SRD5A3: variants seen among roughly 807,000 people sequenced by gnomAD.
The protein encoded by SRD5A3 is polyprenal reductase.
Under a neutral mutation model 34.3 loss-of-function variants are expected in SRD5A3, and 24 were observed. The ratio of observed to expected loss-of-function variants is 0.70; its 90% confidence interval spans 0.51 to 0.99. The LOEUF (loss-of-function observed/expected upper bound fraction) is 0.99, where lower values mean the gene tolerates loss of function less well. SRD5A3 is among the 50% of genes least tolerant of loss of function. The pLI, the probability that SRD5A3 is intolerant of heterozygous loss-of-function variation, is 0.00. For synonymous variants in SRD5A3, 161 were observed against 167.3 expected (o/e 0.96, Z 0.29); for missense variants, 350 against 388.2 (o/e 0.90, Z 0.83).
At position 55,371,520 on chromosome 4, in the gene SRD5A3, C is replaced by G. The variant is rs1425259414; in HGVS notation, c.*1429C>G. 1 of 152,180 alleles carries G rather than the reference C, an allele frequency of 6.6e-6. No homozygotes were observed. The highest frequency in any genetic ancestry group is 1.5e-5 in the Non-Finnish European group (1 of 68,036). The allele number at this position is 152,180 out of a possible 1,614,324, so 9.4% of individuals were successfully genotyped here. On this transcript the variant is annotated 3_prime_UTR_variant, in exon 5 of 5. Coordinates refer to ENST00000264228, the MANE Select transcript of SRD5A3 (RefSeq NM_024592.5). Reference sequence around the variant, plus strand: ...TATTACAGTCAGCTAAGCACTAAAGCTTTGCATTTATATGTACTTTGCTAT... The same window carrying G: ...TATTACAGTCAGCTAAGCACTAAAGGTTTGCATTTATATGTACTTTGCTAT...
intron 2 of SRD5A3, among the ~76,000 whole-genome samples, chr4:55,362,110 G>C (rs929150394): frequency 1.3e-5 from 2 of 151,816 alleles, no homozygotes; most frequent in Non-Finnish European, 2.9e-5. Context: ...ACTAGGGGGT[G>C]CTGTTCGTGT....
intron 2 of SRD5A3, among the ~76,000 whole-genome samples, chr4:55,362,216 C>G (rs1170567247): frequency 2.0e-5 from 3 of 151,694 alleles, no homozygotes; most frequent in Non-Finnish European, 4.4e-5. Flanking sequence ...CAACCTACCC[C>G]TCCCGGGTTC....
chr4:55,352,154 T>G, intron 1 of SRD5A3: 1 of 858,960 alleles, frequency 1.2e-6, no homozygotes, highest in Non-Finnish European at 2.0e-6. Context: ...CTGCACTAAG[T>G]CTGGTTTGGC....
chr4:55,364,418 C>A (rs975987576), intron 3 of SRD5A3, 147 bp downstream of exon 3: 8 of 973,796 alleles, frequency 8.2e-6, no homozygotes, highest in South Asian at 1.4e-5. Flanking sequence ...AGACTCAAGT[C>A]GATTTTAAAA....
chr4:55,347,671 G>T (rs1486008038), intron 1 of SRD5A3, among the ~76,000 whole-genome samples: 2 of 152,124 alleles, frequency 1.3e-5, no homozygotes, highest in East Asian at 1.9e-4. Context: ...CTGGGTTGTC[G>T]CTTGAAACAC....
At chr4:55,366,439 A>T (rs940621526) in intron 3 of SRD5A3, among the ~76,000 whole-genome samples, 1 of 152,214 alleles carries the variant, frequency 6.6e-6, no homozygotes, top group Non-Finnish European at 1.5e-5. Context: ...TGGCCCCCGC[A>T]AAGTGCTGGG....
chr4:55,364,267 G>A lies in SRD5A3; in HGVS notation c.558G>A (p.Arg186=), dbSNP rs1399075323. ...TVLSQVPMDG[R]NAYITGKNLL... ...TGAGCCAAGTGCCAATGGATGGCAG[G>A]AATGGTGAGTGGATCCAGCCCTGCC... Residue 186 remains arginine (R), a synonymous_variant, in exon 3 of 5, where the codon AGG becomes AGA. Coordinates refer to ENST00000264228, the MANE Select transcript of SRD5A3 (RefSeq NM_024592.5). The A allele has an allele frequency of 6.2e-7, 1 of 1,614,064 alleles. No individual in the cohort carries two copies. Among genetic ancestry groups the A allele is most frequent in the Admixed American group, 1.7e-5 (1 of 60,022 alleles).
intron 1 of SRD5A3, among the ~76,000 whole-genome samples, chr4:55,346,813 T>C (rs1719016285): frequency 6.6e-6 from 1 of 152,196 alleles, no homozygotes; most frequent in African/African-American, 2.4e-5. Context: ...GCTGGAGGAA[T>C]GTGAACTGGT....
chr4:55,346,676 G>A (rs1719011431), intron 1 of SRD5A3, 119 bp downstream of exon 1: 1 of 962,678 alleles, frequency 1.0e-6, no homozygotes, highest in Non-Finnish European at 1.4e-6. Flanking sequence ...AGGCCCTGGC[G>A]GGTTCCCGGG....
intron 3 of SRD5A3, 82 bp downstream of exon 3, chr4:55,364,353 A>G (rs1016678433): frequency 5.5e-6 from 8 of 1,464,014 alleles, no homozygotes; most frequent in Admixed American, 3.5e-5. Flanking sequence ...GCTAAGCATT[A>G]TGAGACATGC....
At position 55,359,278 on chromosome 4, in the gene SRD5A3, A is replaced by G; in HGVS notation, c.222-68A>G. 5.6e-6 allele frequency: 9 copies of G among 1,600,960 alleles called. No individual in the cohort carries two copies. In the South Asian group the frequency reaches 7.7e-5, roughly 14 times the overall value. On this transcript the variant is annotated intron_variant, in intron 1 of 4. Coordinates refer to ENST00000264228, the MANE Select transcript of SRD5A3 (RefSeq NM_024592.5). ...GGGGAAAGACAGAGAAACTAAAAATAATCTTCCCGTATAAGAGCTTGAAGT... is the reference window on the plus strand; with the variant it reads ...GGGGAAAGACAGAGAAACTAAAAATGATCTTCCCGTATAAGAGCTTGAAGT...
intron 1 of SRD5A3, among the ~76,000 whole-genome samples, chr4:55,358,273 T>A (rs1436889859): frequency 1.3e-5 from 2 of 152,096 alleles, no homozygotes; most frequent in Non-Finnish European, 1.5e-5. Context: ...CTCACACCTG[T>A]AATCTCAGCA....
chr4:55,358,061 T>C (rs1197118815), intron 1 of SRD5A3, among the ~76,000 whole-genome samples: 2 of 152,218 alleles, frequency 1.3e-5, no homozygotes, highest in African/African-American at 4.8e-5. Flanking sequence ...GGCTCTAGGT[T>C]GTCTTTTATT....
chr4:55,371,656 T>A lies in SRD5A3; in HGVS notation c.*1565T>A, dbSNP rs1431765859. ...AACTGTTAAACTAAGATTCCTTTGTTTTTTTTGTTTTTTTGAGATGGAGTC... is the reference window on the plus strand; with the variant it reads ...AACTGTTAAACTAAGATTCCTTTGTATTTTTTGTTTTTTTGAGATGGAGTC... On this transcript the variant is annotated 3_prime_UTR_variant, in exon 5 of 5. Transcript: ENST00000264228. 1.3e-5 allele frequency: 2 copies of A among 152,190 alleles called. No homozygotes were observed. Among genetic ancestry groups the A allele is most frequent in the African/African-American group, 4.8e-5 (2 of 41,436 alleles). The allele number at this position is 152,190 out of a possible 1,614,324, so 9.4% of individuals were successfully genotyped here. A position where few individuals can be genotyped will look rare whatever the true frequency, so the allele number is the denominator to read the frequency against.
intron 2 of SRD5A3, among the ~76,000 whole-genome samples, chr4:55,362,743 G>A (rs1719732521): frequency 1.3e-5 from 2 of 151,716 alleles, no homozygotes; most frequent in Admixed American, 1.3e-4. Flanking sequence ...CTGGATCTGG[G>A]TGCTGTTACA....
intron 2 of SRD5A3, among the ~76,000 whole-genome samples, chr4:55,360,135 A>C (rs1352097179): frequency 1.3e-5 from 2 of 151,958 alleles, no homozygotes; most frequent in African/African-American, 2.4e-5. Flanking sequence ...GAATGGCATG[A>C]ACCCGAGAGG....
rs1055731855 is a variant in SRD5A3, at chr4:55,371,641, C to G, written c.*1550C>G. On this transcript the variant is annotated 3_prime_UTR_variant, in exon 5 of 5. Coordinates refer to ENST00000264228, the MANE Select transcript of SRD5A3 (RefSeq NM_024592.5). Reference sequence around the variant, plus strand: ...GGAGCTGTAACCCAAAACTGTTAAACTAAGATTCCTTTGTTTTTTTTGTTT... The same window carrying G: ...GGAGCTGTAACCCAAAACTGTTAAAGTAAGATTCCTTTGTTTTTTTTGTTT... The G allele has an allele frequency of 1.3e-5, 2 of 152,162 alleles. No individual in the cohort carries two copies. Among genetic ancestry groups the G allele is most frequent in the African/African-American group, 4.8e-5 (2 of 41,432 alleles). 9.4% of individuals were successfully genotyped at this position (152,162 alleles called of 1,614,324 possible). A position where few individuals can be genotyped will look rare whatever the true frequency, so the allele number is the denominator to read the frequency against.
At chr4:55,367,300 T>C (rs1483876241) in intron 3 of SRD5A3, 8 of 500,114 alleles carry the variant, frequency 1.6e-5, no homozygotes, top group Admixed American at 9.7e-5. Flanking sequence ...CAAGAGAATG[T>C]GTCTGTGTGG....
At chr4:55,368,501 T>C (rs1719993543) in intron 4 of SRD5A3, among the ~76,000 whole-genome samples, 1 of 146,928 alleles carries the variant, frequency 6.8e-6, no homozygotes, top group Non-Finnish European at 1.5e-5. Context: ...CTCGGCTCAC[T>C]GCAACCTCCG....
Sources: gnomAD v4.1 joint callset for allele counts (sites outside exome capture counted in the v4.1 genomes callset) on GRCh38, gnomAD v4.1.1 for gene constraint, MANE v1.5 for transcripts, NCBI Gene and HGNC (gene_info 2026-07-23, HGNC 2026-07-21) for gene names.